Variants in NCAPD2 observed in about 807,000 individuals in gnomAD.
NCAPD2 encodes condensin complex subunit 1.
A neutral mutation model predicts 164.5 loss-of-function variants in NCAPD2; 100 were observed. The observed-to-expected ratio is 0.61, with a 90% CI of 0.52 to 0.72. The LOEUF (loss-of-function observed/expected upper bound fraction) is 0.72, where lower values mean the gene tolerates loss of function less well. Among genes scored for constraint, NCAPD2 ranks in the 30% least tolerant of loss-of-function variants. The pLI is 0.00. For synonymous variants in NCAPD2, 585 were observed against 642.6 expected (o/e 0.91, Z 1.36); for missense variants, 1,560 against 1,749.2 (o/e 0.89, Z 1.93).
chr12:6,518,032 G>A (rs1307372916), intron 13 of NCAPD2, 73 bp downstream of exon 13: 5 of 1,452,458 alleles, frequency 3.4e-6, no homozygotes, highest in East Asian at 2.3e-5. Context: ...CTTACATAAT[G>A]TGTCTTTTAA....
Position 6,529,509 on chromosome 12 carries a change from G to A in NCAPD2, c.3573-4G>A. ...TCGAACATCCTCATCTCCCCTTCCT[G>A]CAGACAGCTCCTCTCCTACATCACC... is the stretch of plus-strand genomic sequence containing the variant. On this transcript the variant is annotated splice_region_variant and splice_polypyrimidine_tract_variant and intron_variant, in intron 27 of 31. Transcript: ENST00000315579. The A allele has an allele frequency of 2.5e-6, 4 of 1,613,710 alleles. No individual in the cohort carries two copies. The highest frequency in any genetic ancestry group is 1.1e-5 in the South Asian group (1 of 91,076).
At chr12:6,525,455 C>G in intron 17 of NCAPD2, 128 bp from the exon 18 acceptor site, 1 of 1,149,276 alleles carries the variant, frequency 8.7e-7, no homozygotes, top group East Asian at 2.4e-5. Flanking sequence ...TGAACCTCCT[C>G]TTTTCTTTTT....
intron 2 of NCAPD2, among the ~76,000 whole-genome samples, chr12:6,499,946 C>T (rs1396466203): frequency 1.3e-5 from 2 of 152,080 alleles, no homozygotes; most frequent in Non-Finnish European, 2.9e-5. Flanking sequence ...CATGGTGAAA[C>T]CCCATCTCTA....
At chr12:6,525,995 C>A in intron 18 of NCAPD2, 73 bp from the exon 19 acceptor site, 18 of 1,560,484 alleles carry the variant, frequency 1.2e-5, no homozygotes, top group Non-Finnish European at 1.6e-5. Flanking sequence ...CTGGTACCTA[C>A]CCCTATTGGC....
intron 14 of NCAPD2, among the ~76,000 whole-genome samples, chr12:6,521,490 T>C (rs1009288933): frequency 2.6e-5 from 4 of 152,140 alleles, no homozygotes; most frequent in African/African-American, 9.7e-5. Context: ...AAAATCAGCC[T>C]GAGCAACATG....
At chr12:6,506,343 C>T (rs1946098519) in intron 2 of NCAPD2, among the ~76,000 whole-genome samples, 2 of 152,096 alleles carry the variant, frequency 1.3e-5, no homozygotes, top group Non-Finnish European at 2.9e-5. Context: ...AATCCCAGCA[C>T]TTCAGGAGGC....
intron 2 of NCAPD2, among the ~76,000 whole-genome samples, chr12:6,504,204 T>TATAG (rs1946073007): frequency 4.4e-5 from 1 of 22,616 alleles, no homozygotes; most frequent in Non-Finnish European, 6.8e-5. Flanking sequence ...TATATATATA[T>TATAG]ATATATATAT....
rs1188392768 is a variant in NCAPD2, at chr12:6,526,656, T to C, written c.2734+41T>C. Reference sequence around the variant, plus strand: ...TTGACCCACTGCGGCAGCCAGCTTCTGTTCTCCCTGCAGGGCCAGGAGCCA... The same window carrying C: ...TTGACCCACTGCGGCAGCCAGCTTCCGTTCTCCCTGCAGGGCCAGGAGCCA... On this transcript the variant is annotated intron_variant, in intron 21 of 31. Transcript: ENST00000315579. 23 of 1,598,346 alleles carry C rather than the reference T, an allele frequency of 1.4e-5. No individual in the cohort carries two copies. The Admixed American group carries it at 3.9e-4, about 27-fold the overall frequency.
At chr12:6,502,300 G>C (rs887818414) in intron 2 of NCAPD2, among the ~76,000 whole-genome samples, 3 of 152,180 alleles carry the variant, frequency 2.0e-5, no homozygotes, top group Non-Finnish European at 4.4e-5. Flanking sequence ...GTTCTCTTCT[G>C]TCTGCTTCTG....
chr12:6,508,239 G>A (rs559937231), intron 2 of NCAPD2, among the ~76,000 whole-genome samples: 29 of 152,236 alleles, frequency 1.9e-4, no homozygotes, highest in Non-Finnish European at 3.4e-4. Context: ...GTAGGGAGTA[G>A]GCAGTAGGAT....
intron 9 of NCAPD2, among the ~76,000 whole-genome samples, chr12:6,515,638 A>G (rs188804464): frequency 7.1e-4 from 108 of 152,302 alleles, no homozygotes; most frequent in African/African-American, 2.1e-3. Flanking sequence ...GCTGATTCCC[A>G]TACTGATGTT....
intron 2 of NCAPD2, among the ~76,000 whole-genome samples, chr12:6,496,640 G>A (rs1945986857): frequency 6.6e-6 from 1 of 151,514 alleles, no homozygotes; most frequent in Non-Finnish European, 1.5e-5. Context: ...GCCCAGGCTG[G>A]TCTCGAACTT....
chr12:6,529,337 C>G (rs374180316), intron 27 of NCAPD2, 176 bp from the exon 28 acceptor site: 1 of 645,942 alleles, frequency 1.5e-6, no homozygotes, highest in Admixed American at 2.8e-5. Context: ...GAGCCGGGGG[C>G]GGGGTGGGGT....
At chr12:6,510,599 A>G (rs1946137717) in intron 4 of NCAPD2, 30 bp from the exon 5 acceptor site, 2 of 1,612,758 alleles carry the variant, frequency 1.2e-6, no homozygotes, top group Non-Finnish European at 8.5e-7. Context: ...GAAGTGAGTG[A>G]AACTGACTCC....
intron 6 of NCAPD2, 94 bp downstream of exon 6, chr12:6,511,346 T>TGG (rs2137047183): frequency 7.3e-7 from 1 of 1,377,730 alleles, no homozygotes; most frequent in East Asian, 2.3e-5. Flanking sequence ...TTTTTTTTTG[T>TGG]GGGGGGACAG....
chr12:6,523,211 A>C, intron 16 of NCAPD2, 51 bp from the exon 17 acceptor site: 1 of 1,581,262 alleles, frequency 6.3e-7, no homozygotes, highest in East Asian at 2.2e-5. Context: ...CTGTTTGCCA[A>C]GTTCAGCTTC....
At chr12:6,499,516 T>A (rs1008654934) in intron 2 of NCAPD2, among the ~76,000 whole-genome samples, 41 of 152,244 alleles carry the variant, frequency 2.7e-4, no homozygotes, top group African/African-American at 9.9e-4. Context: ...GCCTCCCAAG[T>A]GGCTGGAATT....
In NCAPD2 at chr12:6,529,552, G is replaced by C. The variant is rs1244672459; in HGVS notation, c.3612G>C (p.Glu1204Asp). The C allele has an allele frequency of 1.9e-6, 3 of 1,614,098 alleles. No individual in the cohort carries two copies. Among genetic ancestry groups the C allele is most frequent in the Admixed American group, 1.7e-5 (1 of 60,026 alleles). ...ACATCACCAAGGACAAGCAGACAGAGAGCCTGGTGGAAAAGCTGTGTCAGC... is the reference window on the plus strand; with the variant it reads ...ACATCACCAAGGACAAGCAGACAGACAGCCTGGTGGAAAAGCTGTGTCAGC... ...LSYITKDKQTESLVEKLCQRF... is the reference protein window; with the variant it reads ...LSYITKDKQTDSLVEKLCQRF... Residue 1204 changes from glutamate (E) to aspartate (D), a missense_variant, in exon 28 of 32, where the codon GAG becomes GAC. Glu to Asp is a conservative substitution (Grantham distance 45). Coordinates refer to ENST00000315579, the MANE Select transcript of NCAPD2 (RefSeq NM_014865.4).
rs779730206 is a variant in NCAPD2 at position 6,529,877 on chromosome 12, C to T, written c.3756C>T (p.Asp1252=). Residue 1252 remains aspartate (D), a synonymous_variant, in exon 29 of 32, where the codon GAC becomes GAT. Transcript: ENST00000315579. ...KMLDNFDCFG[D]KLSDESIFSA... ...TTGACAATTTTGACTGTTTTGGAGA[C>T]AAACTGTCAGATGAGTCCATCTTCA... 21 of 1,614,146 alleles carry T rather than the reference C, an allele frequency of 1.3e-5. No homozygotes were observed. Among genetic ancestry groups the T allele is most frequent in the Non-Finnish European group, 1.6e-5 (19 of 1,180,056 alleles).
Sources: gnomAD v4.1 joint callset for allele counts (sites outside exome capture counted in the v4.1 genomes callset) on GRCh38, gnomAD v4.1.1 for gene constraint, MANE v1.5 for transcripts, NCBI Gene and HGNC (gene_info 2026-07-23, HGNC 2026-07-21) for gene names.